The following SNAP91 variants were observed in gnomAD, a reference collection of about 807,000 sequenced individuals.
The protein encoded by SNAP91 is synaptosome associated protein 91, also known as clathrin coat assembly protein AP180.
Under a neutral mutation model 100.3 loss-of-function variants are expected in SNAP91, and 27 were observed. The ratio of observed to expected loss-of-function variants is 0.27; its 90% CI spans 0.20 to 0.37. SNAP91 has a LOEUF of 0.37. Ranked by LOEUF, SNAP91 falls within the 10% of genes least tolerant of loss-of-function variation. The pLI, the probability that SNAP91 is intolerant of heterozygous loss-of-function variation, is 1.00. For synonymous variants in SNAP91, 404 were observed against 398.6 expected (o/e 1.01, Z -0.16); for missense variants, 986 against 1,123.7 (o/e 0.88, Z 1.75).
intron 2 of SNAP91, among the ~76,000 whole-genome samples, chr6:83,701,170 G>A (rs1326643967): frequency 6.6e-6 from 1 of 152,120 alleles, no homozygotes; most frequent in Non-Finnish European, 1.5e-5. Flanking sequence ...TTGTTGAAAA[G>A]CTATTATCAA....
At chr6:83,693,237 G>A (rs918359038) in intron 2 of SNAP91, among the ~76,000 whole-genome samples, 2 of 152,072 alleles carry the variant, frequency 1.3e-5, no homozygotes, top group Admixed American at 1.3e-4. Context: ...ACCTCCTTGG[G>A]CATTGTTTTC....
intron 2 of SNAP91, among the ~76,000 whole-genome samples, chr6:83,691,259 C>CT (rs1212312160): frequency 1.3e-5 from 2 of 152,038 alleles, no homozygotes; most frequent in Non-Finnish European, 1.5e-5. Context: ...GCTATAAGGA[C>CT]TAAACTCTTA....
chr6:83,557,905 C>T (rs973877028), intron 28 of SNAP91, among the ~76,000 whole-genome samples: 4 of 151,492 alleles, frequency 2.6e-5, no homozygotes, highest in Non-Finnish European at 5.9e-5. Context: ...TCTGAAGCTA[C>T]AAACTCACAT....
chr6:83,708,137 T>C lies in SNAP91; in HGVS notation c.-30-180A>G, dbSNP rs1280347060. 14 of 527,918 alleles carry C rather than the reference T, an allele frequency of 2.7e-5. No individual in the cohort carries two copies. In the Admixed American group the frequency reaches 4.6e-4, roughly 18 times the overall value. The allele number at this position is 527,918 out of a possible 1,614,324, so 32.7% of individuals were successfully genotyped here. ...TCCTGCGATGCGGTCCAGGGAGTCT[T>C]GGCCGTGAGTAGGGCCGTCACGGAA... On this transcript the variant is annotated intron_variant, in intron 1 of 29. Transcript: ENST00000369694.
At chr6:83,628,972 T>C (rs1187217622) in intron 8 of SNAP91, among the ~76,000 whole-genome samples, 1 of 152,196 alleles carries the variant, frequency 6.6e-6, no homozygotes, top group African/African-American at 2.4e-5. Flanking sequence ...TCCAATGTTA[T>C]CTTCTAGAAT....
rs1562072029 is a variant in SNAP91 at position 83,556,396 on chromosome 6, A to AGG, written c.2632-152_2632-151insCC. ...GAGAGAGAGAGAGAGAGAGAGAGAG[A>AGG]AAAGCATTAGGCAGAACACATATCA... On this transcript the variant is annotated intron_variant, in intron 28 of 29. Transcript: ENST00000369694. 3.2e-3 allele frequency among the ~76,000 whole-genome samples: 156 copies of AGG among 48,410 alleles called. 16 individuals carry two copies. Among genetic ancestry groups the AGG allele is most frequent in the African/African-American group, 0.013 (149 of 11,608 alleles). The allele number at this position is 48,410 out of a possible 152,430, so 31.8% of individuals were successfully genotyped here.
At chr6:83,703,889 T>C (rs1374036195) in intron 2 of SNAP91, among the ~76,000 whole-genome samples, 1 of 152,212 alleles carries the variant, frequency 6.6e-6, no homozygotes, top group Non-Finnish European at 1.5e-5. Flanking sequence ...ATAAATAGGA[T>C]ACTTTAACAA....
At chr6:83,601,463 C>A (rs766600869) in intron 15 of SNAP91, 25 bp from the exon 16 acceptor site, 7 of 1,613,254 alleles carry the variant, frequency 4.3e-6, no homozygotes, top group Non-Finnish European at 5.1e-6. Flanking sequence ...AGACAGAGAG[C>A]AAACGGAGAG....
Position 83,594,381 on chromosome 6 carries a change from T to C in SNAP91, c.1425A>G (p.Ser475=). 1.3e-6 allele frequency: 2 copies of C among 1,552,960 alleles called. No homozygotes were observed. The highest frequency in any genetic ancestry group is 1.7e-6 in the Non-Finnish European group (2 of 1,147,502). ...TAATGACTTTAAACCCACCATTTCC[T>C]GAACATGCATCAAGTGCTGCTGCTA... ...TPVAAALDAC[S]GNDPFAPSEG... is the part of the protein sequence containing the mutation. The change falls in exon 17 of 30, where the codon TCA becomes TCG. Residue 475 remains serine (S), a synonymous_variant. Transcript: ENST00000369694.
chr6:83,708,242 C>T, intron 1 of SNAP91: 1 of 305,506 alleles, frequency 3.3e-6, no homozygotes, highest in Non-Finnish European at 5.9e-6. Flanking sequence ...AGACTCACCC[C>T]CTGGGGACCC....
intron 16 of SNAP91, among the ~76,000 whole-genome samples, chr6:83,594,814 T>C (rs548486433): frequency 4.6e-5 from 7 of 152,032 alleles, no homozygotes; most frequent in Admixed American, 2.6e-4. Flanking sequence ...CAAAAAATAT[T>C]TTTATTATGT....
At chr6:83,699,371 T>C (rs1390917523) in intron 2 of SNAP91, among the ~76,000 whole-genome samples, 2 of 150,412 alleles carry the variant, frequency 1.3e-5, no homozygotes, top group East Asian at 2.0e-4. Context: ...TTTGAAAAAA[T>C]TCAAAAACAA....
At chr6:83,638,955 C>T (rs1017136787) in intron 8 of SNAP91, among the ~76,000 whole-genome samples, 12 of 152,106 alleles carry the variant, frequency 7.9e-5, no homozygotes, top group African/African-American at 2.7e-4. Context: ...AATTATTTTA[C>T]CAAGTTTTAC....
chr6:83,631,782 T>C (rs976393699), intron 8 of SNAP91, among the ~76,000 whole-genome samples: 2 of 152,192 alleles, frequency 1.3e-5, no homozygotes, highest in African/African-American at 4.8e-5. Context: ...TGAATTCTTA[T>C]CCATTCTGCA....
In SNAP91 at chr6:83,607,768, G is replaced by A; in HGVS notation, c.953C>T (p.Pro318Leu). 1 of 1,594,362 alleles carries A rather than the reference G, an allele frequency of 6.3e-7. No individual in the cohort carries two copies. Among genetic ancestry groups the A allele is most frequent in the Non-Finnish European group, 8.5e-7 (1 of 1,170,232 alleles). ...ATTVTSPNSTPAKTIDTSPPV... is the reference protein window; with the variant it reads ...ATTVTSPNSTLAKTIDTSPPV... ...TGGGGATGTGTCAATAGTTTTAGCTGGTGTAGAATTAGGAGACGTAACAGT... is the reference window on the plus strand; with the variant it reads ...TGGGGATGTGTCAATAGTTTTAGCTAGTGTAGAATTAGGAGACGTAACAGT... Residue 318 changes from proline to leucine, a missense_variant, in exon 13 of 30, where the codon CCA (proline) becomes CTA (leucine). By Grantham distance (98) the Pro-to-Leu change is moderately conservative (BLOSUM62 -3). Around this residue, in one of 4 missense-constraint regions of SNAP91, gnomAD observed 330 missense variants for 447.5 expected, o/e 0.74. Transcript: ENST00000369694.
intron 26 of SNAP91, among the ~76,000 whole-genome samples, chr6:83,571,453 C>T (rs1234836057): frequency 1.3e-5 from 2 of 152,170 alleles, no homozygotes; most frequent in East Asian, 1.9e-4. Flanking sequence ...GACTTGGCGT[C>T]AAAGGAGATC....
chr6:83,682,094 C>T (rs1030518528), intron 2 of SNAP91, among the ~76,000 whole-genome samples: 1 of 152,096 alleles, frequency 6.6e-6, no homozygotes, highest in Non-Finnish European at 1.5e-5. Context: ...CTTCCTCCTT[C>T]CTAAGGCCAC....
chr6:83,697,187 A>T (rs565145545), intron 2 of SNAP91, among the ~76,000 whole-genome samples: 1 of 152,266 alleles, frequency 6.6e-6, no homozygotes, highest in Admixed American at 6.5e-5. Flanking sequence ...GTGAATATTG[A>T]AAGTGTGTAG....
intron 16 of SNAP91, among the ~76,000 whole-genome samples, chr6:83,597,900 G>T (rs977488132): frequency 6.6e-6 from 1 of 152,164 alleles, no homozygotes; most frequent in Non-Finnish European, 1.5e-5. Flanking sequence ...AAGGAAGGTT[G>T]GTTAACTTAG....
Sources: allele counts gnomAD v4.1 joint callset (sites outside exome capture counted in the v4.1 genomes callset), GRCh38; gene constraint gnomAD v4.1.1; regional missense constraint gnomAD v4.1.1; transcripts MANE v1.5; gene names NCBI Gene and HGNC (gene_info 2026-07-23, HGNC 2026-07-21).